The following KCNMB2 variants were observed in gnomAD, a reference collection of about 807,000 sequenced individuals.
KCNMB2 encodes the protein calcium-activated potassium channel subunit beta-2.
KCNMB2 carries 9 observed loss-of-function variants against 24.5 expected under a neutral mutation model. That is an observed-to-expected ratio of 0.37 (90% CI 0.22 to 0.64). The LOEUF is 0.64. KCNMB2 is among the 30% of genes least tolerant of loss of function. KCNMB2 has a pLI of 0.63. For synonymous variants in KCNMB2, 109 were observed against 104.4 expected (o/e 1.04, Z -0.27); for missense variants, 226 against 284.3 (o/e 0.79, Z 1.47).
intron 1 of KCNMB2, among the ~76,000 whole-genome samples, chr3:178,759,139 G>GATAT (rs201505124): frequency 0.05 from 880 of 17,436 alleles, 150 homozygotes; most frequent in Middle Eastern, 0.14. Context: ...CTCCAAGAGG[G>GATAT]ATATATATAT....
intron 1 of KCNMB2, among the ~76,000 whole-genome samples, chr3:178,615,423 C>A (rs1718669725): frequency 6.6e-6 from 1 of 152,152 alleles, no homozygotes; most frequent in African/African-American, 2.4e-5. Flanking sequence ...GGACCAGAGT[C>A]AAAAATATTA....
chr3:178,577,220 G>A (rs1404156266), intron 1 of KCNMB2, among the ~76,000 whole-genome samples: 1 of 152,162 alleles, frequency 6.6e-6, no homozygotes, highest in African/African-American at 2.4e-5. Flanking sequence ...TCCACTCCAG[G>A]CAAACAGGGT....
intron 1 of KCNMB2, among the ~76,000 whole-genome samples, chr3:178,793,538 G>A (rs1373271285): frequency 6.6e-6 from 1 of 151,706 alleles, no homozygotes; most frequent in Non-Finnish European, 1.5e-5. Flanking sequence ...ATGGACAGCA[G>A]AAGGACTCAG....
intron 1 of KCNMB2, among the ~76,000 whole-genome samples, chr3:178,614,317 G>GTATA (rs1271997563): frequency 1.0e-5 from 1 of 99,700 alleles, no homozygotes; most frequent in Non-Finnish European, 2.1e-5. Flanking sequence ...ATATGTATGT[G>GTATA]TATATATATA....
intron 1 of KCNMB2, among the ~76,000 whole-genome samples, chr3:178,656,670 G>A (rs573230040): frequency 6.6e-6 from 1 of 152,268 alleles, no homozygotes; most frequent in Admixed American, 6.5e-5. Flanking sequence ...CTACTCAGGA[G>A]GCTGAGGCAG....
intron 1 of KCNMB2, among the ~76,000 whole-genome samples, chr3:178,576,648 T>C (rs1486583215): frequency 6.6e-6 from 1 of 152,090 alleles, no homozygotes; most frequent in Non-Finnish European, 1.5e-5. Context: ...AGGCTCAAGC[T>C]TGGTAGGGGG....
At chr3:178,672,295 A>T (rs1720926692) in intron 1 of KCNMB2, among the ~76,000 whole-genome samples, 1 of 152,178 alleles carries the variant, frequency 6.6e-6, no homozygotes, top group South Asian at 2.1e-4. Flanking sequence ...AGTAGGGGGT[A>T]ATGTCCCCAT....
chr3:178,750,459 G>C (rs1161623439), intron 1 of KCNMB2, among the ~76,000 whole-genome samples: 1 of 152,090 alleles, frequency 6.6e-6, no homozygotes, highest in Non-Finnish European at 1.5e-5. Context: ...TCATTGATAA[G>C]GGCAATAGAA....
At chr3:178,625,480 G>A (rs1316515493) in intron 1 of KCNMB2, among the ~76,000 whole-genome samples, 2 of 152,222 alleles carry the variant, frequency 1.3e-5, no homozygotes, top group African/African-American at 2.4e-5. Context: ...GGTCAATGCC[G>A]GGGTGGGGAG....
intron 1 of KCNMB2, among the ~76,000 whole-genome samples, chr3:178,778,346 G>A (rs1313235683): frequency 6.6e-6 from 1 of 152,078 alleles, no homozygotes; most frequent in Admixed American, 6.6e-5. Context: ...AACAGGCTAA[G>A]ACGGGCTTAA....
intron 1 of KCNMB2, chr3:178,747,068 T>C (rs1166370128): frequency 6.6e-6 from 1 of 152,480 alleles, no homozygotes; most frequent in Admixed American, 6.5e-5. Context: ...ACCAATTTAC[T>C]GTATTAGTCT....
chr3:178,771,916 C>T (rs548291139), intron 1 of KCNMB2, among the ~76,000 whole-genome samples: 2 of 152,020 alleles, frequency 1.3e-5, no homozygotes, highest in East Asian at 3.9e-4. Flanking sequence ...ATGGAGAGAT[C>T]CCTTACCTCC....
intron 1 of KCNMB2, among the ~76,000 whole-genome samples, chr3:178,573,285 A>G (rs1170068374): frequency 1.3e-5 from 2 of 152,222 alleles, no homozygotes; most frequent in Non-Finnish European, 2.9e-5. Flanking sequence ...CTGGGATTAC[A>G]GGCATGAGCC....
chr3:178,810,744 A>T lies in KCNMB2; in HGVS notation c.56+3279A>T, dbSNP rs377428836. ...TACTTTAATCCCTAAATTCCTTTTC[A>T]TTTTTTTTGAGATGGAGTCTCGCTC... On this transcript the variant is annotated intron_variant, in intron 2 of 4. Coordinates refer to ENST00000452583, the MANE Select transcript of KCNMB2 (RefSeq NM_181361.3). Among the ~76,000 whole-genome samples, 52 of 151,006 alleles carry T rather than the reference A, an allele frequency of 3.4e-4. 1 individual carries two copies. In the South Asian group the frequency reaches 0.011, roughly 31 times the overall value.
intron 1 of KCNMB2, among the ~76,000 whole-genome samples, chr3:178,755,414 T>G (rs1033592863): frequency 5.9e-5 from 9 of 152,364 alleles, no homozygotes; most frequent in African/African-American, 2.2e-4. Flanking sequence ...TGTTTCAATT[T>G]TTGTTTAAAG....
intron 1 of KCNMB2, among the ~76,000 whole-genome samples, chr3:178,622,362 C>T (rs1288960177): frequency 1.3e-5 from 2 of 152,172 alleles, no homozygotes; most frequent in African/African-American, 2.4e-5. Flanking sequence ...GCATAGAGCA[C>T]ATTAAAATGT....
intron 1 of KCNMB2, among the ~76,000 whole-genome samples, chr3:178,682,015 A>AT (rs1252723897): frequency 6.6e-6 from 1 of 151,904 alleles, no homozygotes; most frequent in Non-Finnish European, 1.5e-5. Flanking sequence ...GTTTGCACTC[A>AT]TTTTTTCTCA....
chr3:178,638,881 T>C (rs986770805), intron 1 of KCNMB2, among the ~76,000 whole-genome samples: 3 of 152,212 alleles, frequency 2.0e-5, no homozygotes, highest in African/African-American at 4.8e-5. Context: ...TCCTTATGGA[T>C]ATCCAAAGAC....
intron 1 of KCNMB2, among the ~76,000 whole-genome samples, chr3:178,608,819 G>A (rs756210503): frequency 1.8e-4 from 27 of 151,932 alleles, no homozygotes; most frequent in East Asian, 1.9e-4. Flanking sequence ...TGACTGTATC[G>A]CATCCTTTTT....
Sources: allele counts gnomAD v4.1 joint callset (sites outside exome capture counted in the v4.1 genomes callset), GRCh38; gene constraint gnomAD v4.1.1; transcripts MANE v1.5; gene names NCBI Gene and HGNC (gene_info 2026-07-23, HGNC 2026-07-21).